CREB5: variants seen among roughly 807,000 people sequenced by gnomAD.
The protein encoded by CREB5 is cyclic AMP-responsive element-binding protein 5.
In CREB5, 19 loss-of-function variants were observed where a neutral mutation model predicts 57.1. That is an observed-to-expected ratio of 0.33 (90% CI 0.23 to 0.49). The LOEUF is 0.49. CREB5 is among the 20% of genes least tolerant of loss of function. CREB5 has a pLI of 0.99. For missense variants in CREB5, 579 were observed against 671.6 expected, an observed-to-expected ratio of 0.86 and a Z score of 1.52; for synonymous variants, 238 against 238.3, an observed-to-expected ratio of 1.00 and a Z score of 0.01.
chr7:28,550,718 G>A (rs1794603450), intron 4 of CREB5, among the ~76,000 whole-genome samples: 1 of 152,180 alleles, frequency 6.6e-6, no homozygotes, highest in African/African-American at 2.4e-5. Context: ...TGAAGCCAAT[G>A]AGGTAATTTT....
At chr7:28,560,905 CGTGCGTGTGCGTGTGTGCGCGT>C (rs1795167585) in intron 4 of CREB5, among the ~76,000 whole-genome samples, 1 of 13,466 alleles carries the variant, frequency 7.4e-5, no homozygotes, top group Non-Finnish European at 1.3e-4. Flanking sequence ...TGCGTGCGCG[CGTGCGTGTGCGTGTGTGCGCGT>C]GCGTGTGTGC....
intron 7 of CREB5, among the ~76,000 whole-genome samples, chr7:28,800,632 C>T (rs1213231002): frequency 6.6e-6 from 1 of 152,114 alleles, no homozygotes; most frequent in Non-Finnish European, 1.5e-5. Flanking sequence ...GATGCTGAGC[C>T]CTGGACAATC....
intron 1 of CREB5, among the ~76,000 whole-genome samples, chr7:28,326,552 A>G (rs1391920306): frequency 6.6e-6 from 1 of 152,194 alleles, no homozygotes; most frequent in Non-Finnish European, 1.5e-5. Flanking sequence ...TTGTTCATCT[A>G]TCAAATATTT....
intron 1 of CREB5, among the ~76,000 whole-genome samples, chr7:28,436,867 G>A (rs148112312): frequency 1.0e-3 from 158 of 152,216 alleles, no homozygotes; most frequent in African/African-American, 3.7e-3. Context: ...GGAACAGGTT[G>A]CATTTACTCT....
chr7:28,677,674 C>T (rs182955441), intron 5 of CREB5, among the ~76,000 whole-genome samples: 10 of 152,256 alleles, frequency 6.6e-5, no homozygotes, highest in Non-Finnish European at 4.4e-5. Flanking sequence ...TATTCTAACA[C>T]CAGCTTAAAT....
chr7:28,451,500 A>G (rs938390608), intron 1 of CREB5, among the ~76,000 whole-genome samples: 2 of 150,010 alleles, frequency 1.3e-5, no homozygotes, highest in Admixed American at 6.7e-5. Context: ...GTGTTTGTCT[A>G]TATCTATATG....
chr7:28,477,145 T>A (rs1432638101), intron 1 of CREB5, among the ~76,000 whole-genome samples: 1 of 152,232 alleles, frequency 6.6e-6, no homozygotes, highest in Non-Finnish European at 1.5e-5. Context: ...GAATCATATT[T>A]GAACAAGTTC....
chr7:28,537,415 G>GTTGAGCA (rs796336221), intron 4 of CREB5, among the ~76,000 whole-genome samples: 21 of 151,210 alleles, frequency 1.4e-4, no homozygotes, highest in African/African-American at 4.9e-4. Flanking sequence ...ATGCAATTAT[G>GTTGAGCA]TTGAGCATAT....
chr7:28,481,088 C>T (rs1038463955), intron 1 of CREB5, among the ~76,000 whole-genome samples: 5 of 151,958 alleles, frequency 3.3e-5, no homozygotes, highest in Non-Finnish European at 7.3e-5. Context: ...TGCAGAAGTA[C>T]GTGAGAGGAC....
chr7:28,469,949 A>G (rs1018654596), intron 1 of CREB5, among the ~76,000 whole-genome samples: 12 of 152,228 alleles, frequency 7.9e-5, no homozygotes, highest in African/African-American at 2.9e-4. Context: ...GTGAGTACAT[A>G]GTAAGTATAT....
upstream of CREB5, among the ~76,000 whole-genome samples, chr7:28,408,525 C>G (rs959727936): frequency 6.6e-6 from 1 of 152,298 alleles, no homozygotes; most frequent in Non-Finnish European, 1.5e-5. Context: ...CTCCCCAGCC[C>G]GTGAGCTTGG....
intron 7 of CREB5, among the ~76,000 whole-genome samples, chr7:28,747,550 G>A (rs1215745084): frequency 2.6e-5 from 4 of 152,216 alleles, no homozygotes; most frequent in Admixed American, 2.0e-4. Flanking sequence ...CTGCAGTGGT[G>A]AAGGGACTCA....
chr7:28,312,011 G>T (rs1003663878), intron 1 of CREB5, among the ~76,000 whole-genome samples: 42 of 152,056 alleles, frequency 2.8e-4, no homozygotes, highest in African/African-American at 1.0e-3. Flanking sequence ...GTCCTCCTGT[G>T]TTCTGCACCC....
intron 1 of CREB5, among the ~76,000 whole-genome samples, chr7:28,443,441 C>G (rs1043320879): frequency 2.6e-5 from 4 of 152,164 alleles, no homozygotes; most frequent in Admixed American, 1.3e-4. Flanking sequence ...AGTCTGTCTT[C>G]TAACTCTGCT....
rs113798325 is a variant in CREB5, at chr7:28,607,224, G to A, written c.464+36687G>A. Among the ~76,000 whole-genome samples, 1,284 of 152,274 alleles carry A rather than the reference G, an allele frequency of 8.4e-3. 17 individuals are homozygous for A. Among genetic ancestry groups the A allele is most frequent in the African/African-American group, 0.029 (1,189 of 41,544 alleles). On this transcript the variant is annotated intron_variant, in intron 5 of 10. Transcript: ENST00000357727. Reference sequence around the variant, plus strand: ...GACCTATTTTACAGAGAGTGTAGCTGATTGGCAACCTTTTAATTAATATTC... The same window carrying A: ...GACCTATTTTACAGAGAGTGTAGCTAATTGGCAACCTTTTAATTAATATTC...
intron 2 of CREB5, among the ~76,000 whole-genome samples, chr7:28,489,505 G>T (rs865880240): frequency 6.7e-4 from 102 of 152,036 alleles, no homozygotes; most frequent in African/African-American, 2.4e-3. Flanking sequence ...GTTTCACCTT[G>T]TTAGCCAGTA....
intron 5 of CREB5, among the ~76,000 whole-genome samples, chr7:28,671,826 A>G (rs767962848): frequency 5.9e-5 from 9 of 152,196 alleles, no homozygotes; most frequent in Non-Finnish European, 7.3e-5. Flanking sequence ...AAGAAAGATA[A>G]AAATAGCCAG....
At chr7:28,793,186 C>G (rs571597615) in intron 7 of CREB5, among the ~76,000 whole-genome samples, 35 of 152,194 alleles carry the variant, frequency 2.3e-4, no homozygotes, top group South Asian at 1.7e-3. Flanking sequence ...AGGTCTCAGG[C>G]AGGGGTGAGA....
At chr7:28,400,635 A>G (rs1787441839) in intron 1 of CREB5, among the ~76,000 whole-genome samples, 1 of 152,224 alleles carries the variant, frequency 6.6e-6, no homozygotes, top group South Asian at 2.1e-4. Context: ...AGTGGGTAAT[A>G]TTCAAGATTC....
Sources: gnomAD v4.1 joint callset for allele counts (sites outside exome capture counted in the v4.1 genomes callset) on GRCh38, gnomAD v4.1.1 for gene constraint, MANE v1.5 for transcripts, NCBI Gene and HGNC (gene_info 2026-07-23, HGNC 2026-07-21) for gene names.